Variants in RABGAP1L observed in about 807,000 individuals in gnomAD.
RABGAP1L encodes rab GTPase-activating protein 1-like.
Under a neutral mutation model 137.7 loss-of-function variants are expected in RABGAP1L, and 63 were observed. The ratio of observed to expected loss-of-function variants is 0.46; its 90% CI spans 0.37 to 0.56. RABGAP1L has a LOEUF of 0.56. Among genes scored for constraint, RABGAP1L ranks in the 20% least tolerant of loss-of-function variants. RABGAP1L has a pLI of 0.00. For missense variants in RABGAP1L, 1,095 were observed against 1,244.0 expected, an observed-to-expected ratio of 0.88 and a Z score of 1.80; for synonymous variants, 431 against 433.7, an observed-to-expected ratio of 0.99 and a Z score of 0.08.
intron 19 of RABGAP1L, among the ~76,000 whole-genome samples, chr1:174,895,395 T>G (rs1175396039): frequency 6.6e-6 from 1 of 150,894 alleles, no homozygotes; most frequent in Non-Finnish European, 1.5e-5. Context: ...CAGGGTGAAA[T>G]GGCATTCAGC....
At chr1:174,272,127 A>C (rs1191295473) in intron 7 of RABGAP1L, among the ~76,000 whole-genome samples, 1 of 151,966 alleles carries the variant, frequency 6.6e-6, no homozygotes, top group African/African-American at 2.4e-5. Flanking sequence ...TTTGTATCTC[A>C]GTACCATATT....
intron 14 of RABGAP1L, among the ~76,000 whole-genome samples, chr1:174,643,625 T>C (rs2148362230): frequency 6.6e-6 from 1 of 152,258 alleles, no homozygotes; most frequent in South Asian, 2.1e-4. Context: ...TAAAGCCCTG[T>C]GGTTTTGAAA....
chr1:174,643,140 G>A (rs1674674860), intron 14 of RABGAP1L, among the ~76,000 whole-genome samples: 1 of 152,066 alleles, frequency 6.6e-6, no homozygotes, highest in Non-Finnish European at 1.5e-5. Flanking sequence ...TACTTCTGTG[G>A]AACTCCTTCC....
In RABGAP1L at chr1:174,741,045, G is replaced by GTT. The variant is rs60884941; in HGVS notation, c.2170-11256_2170-11255dup. On this transcript the variant is annotated intron_variant, in intron 17 of 25. Coordinates refer to ENST00000681986, the MANE Select transcript of RABGAP1L (RefSeq NM_001366446.1). Reference sequence around the variant, plus strand: ...TTCACTCTGTTGATTTTTTTGTTTTGTTTTTTTTTTTTTGTGTGTGGGAGC... The same window carrying GTT: ...TTCACTCTGTTGATTTTTTTGTTTTGTTTTTTTTTTTTTTTGTGTGTGGGAGC... 3.1e-4 allele frequency among the ~76,000 whole-genome samples: 37 copies of GTT among 119,922 alleles called. No individual in the cohort carries two copies. In the Middle Eastern group the frequency reaches 0.014, roughly 45 times the overall value. The allele number at this position is 119,922 out of a possible 152,430, so 78.7% of individuals were successfully genotyped here.
At chr1:174,614,365 T>C (rs959606933) in intron 13 of RABGAP1L, among the ~76,000 whole-genome samples, 2 of 152,208 alleles carry the variant, frequency 1.3e-5, no homozygotes, top group African/African-American at 2.4e-5. Flanking sequence ...TTCTTTTCTT[T>C]AAGAATGTTG....
chr1:174,936,369 G>A (rs1664793898), intron 19 of RABGAP1L, among the ~76,000 whole-genome samples: 1 of 152,160 alleles, frequency 6.6e-6, no homozygotes, highest in Admixed American at 6.5e-5. Context: ...ACAGAAGGCT[G>A]AGGCAGGCAG....
chr1:174,596,240 G>T (rs77871727), intron 13 of RABGAP1L, among the ~76,000 whole-genome samples: 6 of 148,166 alleles, frequency 4.0e-5, no homozygotes, highest in East Asian at 2.0e-4. Flanking sequence ...ACACTGGCCT[G>T]CGCCCACTGT....
At chr1:174,474,707 A>G (rs374849080) in intron 13 of RABGAP1L, among the ~76,000 whole-genome samples, 10 of 152,082 alleles carry the variant, frequency 6.6e-5, no homozygotes, top group East Asian at 3.9e-4. Flanking sequence ...GGTTCCAGTG[A>G]TTCTCCTGCC....
chr1:174,757,838 A>G (rs1684884936), intron 18 of RABGAP1L, among the ~76,000 whole-genome samples: 1 of 151,962 alleles, frequency 6.6e-6, no homozygotes, highest in Non-Finnish European at 1.5e-5. Flanking sequence ...AGCCTGGCCA[A>G]CATGACGAAA....
At chr1:174,531,966 A>T (rs1664448692) in intron 13 of RABGAP1L, among the ~76,000 whole-genome samples, 1 of 152,114 alleles carries the variant, frequency 6.6e-6, no homozygotes, top group Non-Finnish European at 1.5e-5. Flanking sequence ...CCAATTATGA[A>T]CATCTCCATT....
At chr1:174,349,608 G>A (rs1426807103) in intron 11 of RABGAP1L, among the ~76,000 whole-genome samples, 18 of 141,052 alleles carry the variant, frequency 1.3e-4, no homozygotes, top group African/African-American at 2.9e-4. Context: ...CCTCCCTCCC[G>A]GATGGGGCGG....
intron 23 of RABGAP1L, among the ~76,000 whole-genome samples, chr1:174,980,924 T>C (rs1478934727): frequency 6.6e-6 from 1 of 150,524 alleles, no homozygotes; most frequent in Non-Finnish European, 1.5e-5. Flanking sequence ...TTTTTTTTGC[T>C]AGACGAGAAA....
intron 19 of RABGAP1L, among the ~76,000 whole-genome samples, chr1:174,943,087 A>G (rs548882713): frequency 1.3e-5 from 2 of 152,108 alleles, no homozygotes; most frequent in Non-Finnish European, 2.9e-5. Flanking sequence ...GTTCCTGTGT[A>G]CCTCTCGTAC....
chr1:174,450,130 T>A (rs1655264398), intron 13 of RABGAP1L, among the ~76,000 whole-genome samples: 1 of 152,192 alleles, frequency 6.6e-6, no homozygotes, highest in Admixed American at 6.5e-5. Context: ...TAGTAAAGCT[T>A]TGTTTTTCTT....
chr1:174,873,997 C>G (rs1423468006), intron 19 of RABGAP1L, among the ~76,000 whole-genome samples: 1 of 152,150 alleles, frequency 6.6e-6, no homozygotes, highest in Admixed American at 6.5e-5. Flanking sequence ...TTATTTGACT[C>G]ATAGTATGAC....
At chr1:174,613,814 G>T (rs1051126895) in intron 13 of RABGAP1L, among the ~76,000 whole-genome samples, 10 of 152,072 alleles carry the variant, frequency 6.6e-5, no homozygotes, top group African/African-American at 2.4e-4. Context: ...TTATGTAATG[G>T]CCTTCTTTGT....
intron 1 of RABGAP1L, among the ~76,000 whole-genome samples, chr1:174,173,527 A>G (rs145596988): frequency 6.6e-6 from 1 of 152,144 alleles, no homozygotes; most frequent in Non-Finnish European, 1.5e-5. Context: ...CTTCCTCTCA[A>G]ATTTGGATTT....
intron 13 of RABGAP1L, among the ~76,000 whole-genome samples, chr1:174,621,166 A>C (rs1169988921): frequency 2.0e-5 from 3 of 152,226 alleles, no homozygotes; most frequent in Non-Finnish European, 4.4e-5. Context: ...GGACCTCTTC[A>C]AGGAGAACTA....
intron 19 of RABGAP1L, among the ~76,000 whole-genome samples, chr1:174,893,452 G>T (rs1161770580): frequency 2.0e-5 from 3 of 152,120 alleles, no homozygotes; most frequent in East Asian, 3.9e-4. Context: ...ACAATCACTT[G>T]TTAAGAGATT....
Sources: allele counts gnomAD v4.1 joint callset (sites outside exome capture counted in the v4.1 genomes callset), GRCh38; gene constraint gnomAD v4.1.1; transcripts MANE v1.5; gene names NCBI Gene and HGNC (gene_info 2026-07-23, HGNC 2026-07-21).